Variants in SUGT1 observed in about 807,000 individuals in gnomAD.
SUGT1 encodes SGT1 assembly cochaperone of MIS12 kinetochore complex.
Under a neutral mutation model 56.1 loss-of-function variants are expected in SUGT1, and 15 were observed. The ratio of observed to expected loss-of-function variants is 0.27; its 90% CI spans 0.18 to 0.41. The LOEUF (loss-of-function observed/expected upper bound fraction) is 0.41, where lower values mean the gene tolerates loss of function less well. Among genes scored for constraint, SUGT1 ranks in the 10% least tolerant of loss-of-function variants. The probability of loss-of-function intolerance (pLI) is 1.00; values close to 1 mark genes in which losing one functional copy is unlikely to be tolerated. For synonymous variants in SUGT1, 123 were observed against 128.6 expected, an observed-to-expected ratio of 0.96 and a Z score of 0.30; for missense variants, 347 against 382.2, an observed-to-expected ratio of 0.91 and a Z score of 0.77.
rs1488549808 is a variant in SUGT1 at position 52,659,791 on chromosome 13, TA to T, written c.328+543del. ...ATATAGAAATTGTGAGAGTCAAGAA[TA>T]TATATATATATATATATATATATTT... On this transcript the variant is annotated intron_variant, in intron 5 of 12. Coordinates refer to ENST00000310528, the MANE Select transcript of SUGT1 (RefSeq NM_006704.5). Among the ~76,000 whole-genome samples the T allele has an allele frequency of 1.1e-3, 18 of 16,814 alleles. No homozygotes were observed. In the Admixed American group the frequency reaches 0.017, roughly 16 times the overall value. The allele number at this position is 16,814 out of a possible 152,430, so 11.0% of individuals were successfully genotyped here.
chr13:52,680,842 TCA>T (rs1176410932), intron 12 of SUGT1, among the ~76,000 whole-genome samples: 1 of 152,160 alleles, frequency 6.6e-6, no homozygotes, highest in Non-Finnish European at 1.5e-5. Context: ...ATTGTGCTTT[TCA>T]CAGTTTATTT....
chr13:52,686,711 G>A (rs1170646830), intron 12 of SUGT1, among the ~76,000 whole-genome samples: 1 of 152,090 alleles, frequency 6.6e-6, no homozygotes, highest in African/African-American at 2.4e-5. Context: ...TGTTTATATT[G>A]TAATAATTCG....
Position 52,667,985 on chromosome 13 carries a change from T to C in SUGT1, c.627+1066T>C, listed in dbSNP as rs74626431. ...TTTCCATTACTACTTTTTTTTTTTT[T>C]CCTTGTTTTTGAGATGTAGTCTAGC... On this transcript the variant is annotated intron_variant, in intron 10 of 12. Transcript: ENST00000310528. Among the ~76,000 whole-genome samples the C allele has an allele frequency of 3.0e-3, 463 of 151,832 alleles. 5 individuals carry two copies. Among genetic ancestry groups the C allele is most frequent in the South Asian group, 0.016 (77 of 4,806 alleles).
chr13:52,676,255 AGGCTG>A lies in SUGT1; in HGVS notation c.654_658del (p.Glu218AspfsTer38), dbSNP rs747027996. 1 of 1,612,938 alleles carries A rather than the reference AGGCTG, an allele frequency of 6.2e-7. No individual in the cohort carries two copies. The highest frequency in any genetic ancestry group is 1.1e-5 in the South Asian group (1 of 90,800). ...ATTGAAATTAAACTGAAAAAGCCAG[AGGCTG>A]TGAGATGGGAAAAGCTAGAGGGGCA... On this transcript the variant is annotated frameshift_variant, in exon 11 of 13. Coordinates refer to ENST00000310528, the MANE Select transcript of SUGT1 (RefSeq NM_006704.5). LOFTEE classifies it high-confidence loss of function.
At position 52,698,791 on chromosome 13, in the gene SUGT1, T is replaced by C. The variant is rs1964006756; in HGVS notation, c.*10956T>C. ...ATATCGGACAACTAAAATTATAACATTGGGCAGCTATTTTGTATGATATAT... is the reference window on the plus strand; with the variant it reads ...ATATCGGACAACTAAAATTATAACACTGGGCAGCTATTTTGTATGATATAT... On this transcript the variant is annotated 3_prime_UTR_variant, in exon 13 of 13. Transcript: ENST00000310528. 5 of 152,136 alleles carry C rather than the reference T, an allele frequency of 3.3e-5. No individual in the cohort carries two copies. The highest frequency in any genetic ancestry group is 2.0e-4 in the Admixed American group (3 of 15,264). 9.4% of individuals were successfully genotyped at this position (152,136 alleles called of 1,614,324 possible). A position where few individuals can be genotyped will look rare whatever the true frequency, so the allele number is the denominator to read the frequency against.
At position 52,700,757 on chromosome 13, in the gene SUGT1, T is replaced by C. The variant is rs754263521; in HGVS notation, c.*12922T>C. The stretch of plus-strand genomic sequence containing the variant: ...AATAAATCAGTTAACTTAAAAAATA[T>C]ATTGTGACCATTTTTATAAAATACA... On this transcript the variant is annotated 3_prime_UTR_variant, in exon 13 of 13. Coordinates refer to ENST00000310528, the MANE Select transcript of SUGT1 (RefSeq NM_006704.5). The C allele has an allele frequency of 7.2e-5, 11 of 152,188 alleles. No homozygotes were observed. Among genetic ancestry groups the C allele is most frequent in the Non-Finnish European group, 1.3e-4 (9 of 68,034 alleles). 9.4% of individuals were successfully genotyped at this position (152,188 alleles called of 1,614,324 possible). A position where few individuals can be genotyped will look rare whatever the true frequency, so the allele number is the denominator to read the frequency against.
intron 2 of SUGT1, among the ~76,000 whole-genome samples, chr13:52,657,191 A>G (rs1166493297): frequency 1.3e-5 from 2 of 152,156 alleles, no homozygotes; most frequent in Non-Finnish European, 1.5e-5. Flanking sequence ...ATCTTCTTCA[A>G]ATTAGTAGGA....
At chr13:52,666,633 A>AT (rs1378355857) in intron 9 of SUGT1, among the ~76,000 whole-genome samples, 179 bp from the exon 10 acceptor site, 1 of 152,164 alleles carries the variant, frequency 6.6e-6, no homozygotes, top group African/African-American at 2.4e-5. Flanking sequence ...AGGATACCAG[A>AT]TGGAAAAAAA....
rs1963956639 is a variant in SUGT1 at position 52,696,969 on chromosome 13, G to T, written c.*9134G>T. On this transcript the variant is annotated 3_prime_UTR_variant, in exon 13 of 13. Transcript: ENST00000310528. ...TTTTGAGATACCATTTTTTGGAGGG[G>T]TGTCCTGATTTATTTTATTTATTTT... is the stretch of plus-strand genomic sequence containing the variant. 6.8e-6 allele frequency: 1 copy of T among 147,990 alleles called. No individual in the cohort carries two copies. The highest frequency in any genetic ancestry group is 6.7e-5 in the Admixed American group (1 of 14,886). 9.2% of individuals were successfully genotyped at this position (147,990 alleles called of 1,614,324 possible). A position where few individuals can be genotyped will look rare whatever the true frequency, so the allele number is the denominator to read the frequency against.
At chr13:52,657,483 A>G in intron 2 of SUGT1, 49 bp from the exon 3 acceptor site, 1 of 1,484,528 alleles carries the variant, frequency 6.7e-7, no homozygotes, top group East Asian at 2.3e-5. Flanking sequence ...TTAGAATTTG[A>G]TGGCTTCTTA....
chr13:52,664,542 T>C (rs942558244), intron 8 of SUGT1, among the ~76,000 whole-genome samples: 10 of 152,262 alleles, frequency 6.6e-5, no homozygotes, highest in African/African-American at 2.4e-4. Flanking sequence ...TGTGTACAGC[T>C]TGTATTCTTA....
chr13:52,652,843 A>G lies in SUGT1; in HGVS notation c.-78A>G, dbSNP rs1188398179. Reference sequence around the variant, plus strand: ...GAAGCTCGGTTGGTGTTTCTCCAGAAGTTTCCCCCTTGGGCGGTGGTGGAG... The same window carrying G: ...GAAGCTCGGTTGGTGTTTCTCCAGAGGTTTCCCCCTTGGGCGGTGGTGGAG... On this transcript the variant is annotated 5_prime_UTR_variant, in exon 1 of 13. Coordinates refer to ENST00000310528, the MANE Select transcript of SUGT1 (RefSeq NM_006704.5). 29 of 1,564,438 alleles carry G rather than the reference A, an allele frequency of 1.9e-5. No individual in the cohort carries two copies. The highest frequency in any genetic ancestry group is 2.4e-5 in the Non-Finnish European group (28 of 1,153,080).
intron 10 of SUGT1, among the ~76,000 whole-genome samples, chr13:52,667,872 A>G (rs1435029244): frequency 1.3e-5 from 2 of 152,210 alleles, no homozygotes; most frequent in Non-Finnish European, 2.9e-5. Flanking sequence ...GCTGTGGACC[A>G]AATGAACTCT....
At chr13:52,670,046 T>C (rs1962868671) in intron 10 of SUGT1, among the ~76,000 whole-genome samples, 1 of 152,186 alleles carries the variant, frequency 6.6e-6, no homozygotes, top group African/African-American at 2.4e-5. Context: ...TGCTTAATAG[T>C]AGAGATTCTG....
chr13:52,657,307 C>T (rs929626710), intron 2 of SUGT1, among the ~76,000 whole-genome samples: 19 of 152,154 alleles, frequency 1.2e-4, no homozygotes, highest in African/African-American at 3.4e-4. Context: ...AAAAGCTTTA[C>T]GGTACAGAGA....
intron 12 of SUGT1, among the ~76,000 whole-genome samples, chr13:52,686,307 G>T (rs1566200326): frequency 6.6e-6 from 1 of 152,316 alleles, no homozygotes; most frequent in East Asian, 1.9e-4. Context: ...AGGCCACTGT[G>T]CTTAGAACTA....
In SUGT1 at chr13:52,679,721, A is replaced by G. The variant is rs192730162; in HGVS notation, c.719-253A>G. ...TAATCTAATTTTGTATAGCATATCA[A>G]AAGTTTACACTTTATTGAGTTATTT... On this transcript the variant is annotated intron_variant, in intron 11 of 12. Transcript: ENST00000310528. Among the ~76,000 whole-genome samples the G allele has an allele frequency of 1.1e-3, 163 of 152,352 alleles. 1 individual carries two copies. The highest frequency in any genetic ancestry group is 0.01 in the Admixed American group (153 of 15,298).
chr13:52,657,738 A>G (rs1962236037), intron 3 of SUGT1, 116 bp downstream of exon 3: 2 of 870,790 alleles, frequency 2.3e-6, no homozygotes, highest in South Asian at 1.8e-5. Flanking sequence ...ATACAAGGTA[A>G]AGTAGCTCAA....
At chr13:52,678,681 GTTT>G (rs11325152) in intron 11 of SUGT1, among the ~76,000 whole-genome samples, 8 of 141,762 alleles carry the variant, frequency 5.6e-5, no homozygotes, top group Non-Finnish European at 4.6e-5. Flanking sequence ...TTTTTTGTTG[GTTT>G]TTTTTTTTTT....
Sources: allele counts gnomAD v4.1 joint callset (sites outside exome capture counted in the v4.1 genomes callset), GRCh38; gene constraint gnomAD v4.1.1; transcripts MANE v1.5; gene names NCBI Gene and HGNC (gene_info 2026-07-23, HGNC 2026-07-21).